The following NUP153 variants were observed in gnomAD, a reference collection of about 807,000 sequenced individuals.
NUP153 encodes the protein nucleoporin 153.
In NUP153, 27 loss-of-function variants were observed where a neutral mutation model predicts 134.6. That is an observed-to-expected ratio of 0.20 (90% confidence interval 0.15 to 0.28). The LOEUF (loss-of-function observed/expected upper bound fraction) is 0.28, where lower values mean the gene tolerates loss of function less well. Among genes scored for constraint, NUP153 ranks in the 10% least tolerant of loss-of-function variants. NUP153 has a pLI of 1.00. For synonymous variants in NUP153, 640 were observed against 623.5 expected, an observed-to-expected ratio of 1.03 and a Z score of -0.40; for missense variants, 1,821 against 1,731.3, an observed-to-expected ratio of 1.05 and a Z score of -0.92.
At position 17,646,202 on chromosome 6, in the gene NUP153, A is replaced by G. The variant is rs754641449; in HGVS notation, c.1633-48T>C. On this transcript the variant is annotated intron_variant, in intron 13 of 21. Transcript: ENST00000262077. ...TATACTTCGTTTTCAATAAGTATCA[A>G]ATATAGAGCTTTTTTATTCCCCCGA... The G allele has an allele frequency of 5.0e-6, 5 of 992,900 alleles. No homozygotes were observed. In the South Asian group the frequency reaches 6.7e-5, roughly 13 times the overall value. The allele number at this position is 992,900 out of a possible 1,614,324, so 61.5% of individuals were successfully genotyped here. A position where few individuals can be genotyped will look rare whatever the true frequency, so the allele number is the denominator to read the frequency against.
In NUP153 at chr6:17,638,561, T is replaced by C. The variant is rs895859374; in HGVS notation, c.1847-791A>G. Among the ~76,000 whole-genome samples the C allele has an allele frequency of 3.3e-5, 5 of 152,246 alleles. No individual in the cohort carries two copies. Among genetic ancestry groups the C allele is most frequent in the Non-Finnish European group, 7.3e-5 (5 of 68,044 alleles). ...TATTCCCAGTGGGCAACGTGTTATT[T>C]TGCTTATGATTAATTTAAATCACTA... On this transcript the variant is annotated intron_variant, in intron 15 of 21. Coordinates refer to ENST00000262077, the MANE Select transcript of NUP153 (RefSeq NM_005124.4). The surrounding 1 kb of genome is among the most constrained non-coding windows in gnomAD (Gnocchi z 4.0).
intron 1 of NUP153, among the ~76,000 whole-genome samples, chr6:17,695,598 G>A (rs374084765): frequency 8.5e-5 from 13 of 152,090 alleles, no homozygotes; most frequent in African/African-American, 2.4e-4. Context: ...GATTTCCACC[G>A]TTAAAGACTT....
intron 16 of NUP153, among the ~76,000 whole-genome samples, chr6:17,634,111 C>T (rs1409105183): frequency 6.6e-6 from 1 of 152,060 alleles, no homozygotes; most frequent in East Asian, 1.9e-4. Flanking sequence ...CATGAACCCC[C>T]CCCATTACTC....
At chr6:17,634,441 A>AT (rs71002238) in intron 16 of NUP153, among the ~76,000 whole-genome samples, 3,683 of 146,324 alleles carry the variant, frequency 0.025, 61 homozygotes, top group African/African-American at 0.051. Context: ...CCTTACATAC[A>AT]TTTTTTTTTT....
At chr6:17,636,690 G>T (rs1312795432) in intron 16 of NUP153, among the ~76,000 whole-genome samples, 2 of 152,134 alleles carry the variant, frequency 1.3e-5, no homozygotes, top group East Asian at 3.9e-4. Flanking sequence ...GCCTAGATTA[G>T]AATTAGTGAT....
At chr6:17,624,516 C>T (rs1764817660) in intron 20 of NUP153, 45 bp downstream of exon 20, 42 of 1,557,766 alleles carry the variant, frequency 2.7e-5, no homozygotes, top group Non-Finnish European at 3.6e-5. Flanking sequence ...TATTTTAAGA[C>T]ACACAAAACC....
At chr6:17,691,335 A>G (rs1769262174) in intron 1 of NUP153, among the ~76,000 whole-genome samples, 2 of 152,348 alleles carry the variant, frequency 1.3e-5, no homozygotes, top group Middle Eastern at 3.4e-3. Context: ...ATTACACAGT[A>G]TTAGTTACTA....
At chr6:17,633,685 C>A (rs77046899) in intron 16 of NUP153, among the ~76,000 whole-genome samples, 2,944 of 152,264 alleles carry the variant, frequency 0.019, 96 homozygotes, top group African/African-American at 0.067. Flanking sequence ...AGAGGTGGCA[C>A]AGGAAGAACG....
At chr6:17,705,069 T>G (rs1770393652) in intron 1 of NUP153, among the ~76,000 whole-genome samples, 2 of 152,246 alleles carry the variant, frequency 1.3e-5, no homozygotes, top group African/African-American at 4.8e-5. Flanking sequence ...AATCTTTACT[T>G]TTAAAAATCT....
In NUP153 at chr6:17,637,286, G is replaced by A. The variant is rs775509500; in HGVS notation, c.2331C>T (p.Cys777=). The change falls in exon 16 of 22, where the codon TGC becomes TGT. Residue 777 remains cysteine (C), a synonymous_variant. Coordinates refer to ENST00000262077, the MANE Select transcript of NUP153 (RefSeq NM_005124.4). Reference sequence around the variant, plus strand: ...ATCCTAAGGTACCAGTGGTTACAGTGCAGCTGGAAGATGAAGCAGTCATAG... The same window carrying A: ...ATCCTAAGGTACCAGTGGTTACAGTACAGCTGGAAGATGAAGCAGTCATAG... The part of the protein sequence containing the change: ...AETMTASSSS[C]TVTTGTLGFG... The A allele has an allele frequency of 3.7e-5, 60 of 1,614,196 alleles. No homozygotes were observed. The highest frequency in any genetic ancestry group is 4.7e-5 in the Non-Finnish European group (55 of 1,180,040).
intron 14 of NUP153, among the ~76,000 whole-genome samples, chr6:17,641,545 AAAAC>A (rs371438976): frequency 7.4e-4 from 112 of 151,840 alleles, no homozygotes; most frequent in Admixed American, 1.5e-3. Flanking sequence ...AAAACAAAAC[AAAAC>A]AAACAAACAA....
In NUP153 at chr6:17,680,814, C is replaced by T. The variant is rs1768532256; in HGVS notation, c.335-5044G>A. On this transcript the variant is annotated intron_variant, in intron 2 of 21. Transcript: ENST00000262077. This position sits in a 1 kb window ranked among gnomAD's most constrained non-coding sequence, Gnocchi z 4.5. ...GTAGAGAAAGGAGAATCCTTGTACA[C>T]TGTTGTTGGTGGGAATTATCAATTA... 6.6e-6 allele frequency among the ~76,000 whole-genome samples: 1 copy of T among 152,224 alleles called. No individual in the cohort carries two copies. Among genetic ancestry groups the T allele is most frequent in the Non-Finnish European group, 1.5e-5 (1 of 68,042 alleles).
chr6:17,653,051 GA>G (rs1242187430), intron 11 of NUP153, among the ~76,000 whole-genome samples: 4 of 152,046 alleles, frequency 2.6e-5, no homozygotes, highest in African/African-American at 9.7e-5. Context: ...TCAGGAGTTT[GA>G]GACCAGCCTG....
rs1406197860 is a variant in NUP153, at chr6:17,626,089, G to A, written c.3620C>T (p.Ala1207Val). ...SSSSSTPATS[A>V]GGGIFGSSTS... is the part of the protein sequence containing the mutation. ...GGAACTACCAAATATGCCACCACCA[G>A]CAGAAGTGGCTGGTGTACTTGAACT... The change falls in exon 19 of 22, where the codon GCT (alanine) becomes GTT (valine). Residue 1207 changes from alanine to valine, a missense_variant. Physicochemically the swap from Ala to Val is moderately conservative, Grantham distance 64. Transcript: ENST00000262077. The A allele has an allele frequency of 6.2e-7, 1 of 1,613,810 alleles. No individual in the cohort carries two copies. Among genetic ancestry groups the A allele is most frequent in the African/African-American group, 1.3e-5 (1 of 74,930 alleles).
chr6:17,687,888 AT>A (rs1283250161), intron 2 of NUP153, among the ~76,000 whole-genome samples: 1 of 151,986 alleles, frequency 6.6e-6, no homozygotes, highest in Non-Finnish European at 1.5e-5. Context: ...GCTGAGGCGG[AT>A]GGATCATGAG....
chr6:17,665,126 A>G (rs6929659), intron 9 of NUP153, 113 bp downstream of exon 9: 309,527 of 634,548 alleles, frequency 0.49, 79,039 homozygotes, highest in Middle Eastern at 0.71. Context: ...CTAATTCACA[A>G]CCTTTATGTG....
At chr6:17,701,373 C>T (rs903363180) in intron 1 of NUP153, among the ~76,000 whole-genome samples, 1 of 151,870 alleles carries the variant, frequency 6.6e-6, no homozygotes, top group African/African-American at 2.4e-5. Flanking sequence ...ATTAAAAATA[C>T]AAAAATTAGG....
chr6:17,703,017 A>G (rs1770225773), intron 1 of NUP153, among the ~76,000 whole-genome samples: 1 of 122,632 alleles, frequency 8.2e-6, no homozygotes, highest in Non-Finnish European at 1.9e-5. Flanking sequence ...CCTGACCAAC[A>G]TGGCGAAATC....
chr6:17,623,052 C>T (rs922985497), intron 20 of NUP153, among the ~76,000 whole-genome samples: 7 of 151,664 alleles, frequency 4.6e-5, no homozygotes, highest in Non-Finnish European at 1.0e-4. Flanking sequence ...ATCACTTGAA[C>T]CCGGGAAGCG....
Sources: gnomAD v4.1 joint callset for allele counts (sites outside exome capture counted in the v4.1 genomes callset) on GRCh38, gnomAD v4.1.1 for gene constraint, Gnocchi (gnomAD v3.1) non-coding constraint, MANE v1.5 for transcripts, NCBI Gene and HGNC (gene_info 2026-07-23, HGNC 2026-07-21) for gene names.